Variants in FER observed in about 807,000 individuals in gnomAD.
FER encodes tyrosine-protein kinase Fer.
Under a neutral mutation model 111.0 loss-of-function variants are expected in FER, and 63 were observed. The ratio of observed to expected loss-of-function variants is 0.57; its 90% CI spans 0.46 to 0.70. The LOEUF (loss-of-function observed/expected upper bound fraction) is 0.70, where lower values mean the gene tolerates loss of function less well. Among genes scored for constraint, FER ranks in the 30% least tolerant of loss-of-function variants. FER has a pLI of 0.00. For missense variants in FER, 914 were observed against 954.0 expected (o/e 0.96, Z 0.55); for synonymous variants, 327 against 313.9 (o/e 1.04, Z -0.44).
At chr5:109,167,463 C>A (rs1442031230) in intron 17 of FER, among the ~76,000 whole-genome samples, 3 of 151,982 alleles carry the variant, frequency 2.0e-5, no homozygotes, top group African/African-American at 7.3e-5. Context: ...ATCAAATAAC[C>A]AGAAATGATC....
chr5:108,935,290 T>C (rs1755297521), intron 10 of FER, among the ~76,000 whole-genome samples: 1 of 152,072 alleles, frequency 6.6e-6, no homozygotes, highest in African/African-American at 2.4e-5. Context: ...CCTAGCTTCT[T>C]GTGGCTGCTG....
intron 10 of FER, among the ~76,000 whole-genome samples, chr5:108,925,283 A>G (rs556091392): frequency 6.6e-6 from 1 of 152,182 alleles, no homozygotes; most frequent in South Asian, 2.1e-4. Context: ...AAGGAAACTA[A>G]TAATGTTTTT....
rs573301791 is a variant in FER, at chr5:109,104,645, G to A, written c.2048+4126G>A. Among the ~76,000 whole-genome samples the A allele has an allele frequency of 4.6e-5, 7 of 152,008 alleles. No individual in the cohort carries two copies. In the South Asian group the frequency reaches 1.2e-3, roughly 27 times the overall value. ...CTTAATTGTGGACATTTTGTTGAAC[G>A]AATATGAATTTTAACTGAAAAAAGA... On this transcript the variant is annotated intron_variant, in intron 17 of 19. Transcript: ENST00000281092.
intron 17 of FER, among the ~76,000 whole-genome samples, chr5:109,140,304 T>C (rs1753387842): frequency 6.6e-6 from 1 of 152,184 alleles, no homozygotes; most frequent in South Asian, 2.1e-4. Context: ...AACATATCCT[T>C]TCTGAAGCAC....
chr5:108,930,898 G>A (rs531286068), intron 10 of FER, among the ~76,000 whole-genome samples: 37 of 152,042 alleles, frequency 2.4e-4, no homozygotes, highest in Non-Finnish European at 4.0e-4. Flanking sequence ...ACACGCGTGA[G>A]CCAACGCCCC....
At chr5:108,950,757 A>C (rs1456516052) in intron 11 of FER, among the ~76,000 whole-genome samples, 1 of 152,170 alleles carries the variant, frequency 6.6e-6, no homozygotes, top group Non-Finnish European at 1.5e-5. Context: ...ACAAATAAAA[A>C]AATTATGTTC....
chr5:109,184,291 GC>G, intron 18 of FER, among the ~76,000 whole-genome samples: 1 of 152,252 alleles, frequency 6.6e-6, no homozygotes, highest in South Asian at 2.1e-4. Context: ...GGTTTCCCAT[GC>G]CATTAGCTGC....
At chr5:108,943,699 TA>T (rs1239385186) in intron 10 of FER, among the ~76,000 whole-genome samples, 2 of 152,036 alleles carry the variant, frequency 1.3e-5, no homozygotes, top group African/African-American at 4.8e-5. Flanking sequence ...GTAATTTAGG[TA>T]TTTTTTTAAT....
intron 17 of FER, among the ~76,000 whole-genome samples, chr5:109,157,553 C>T (rs1386871123): frequency 6.6e-6 from 1 of 151,854 alleles, no homozygotes; most frequent in Non-Finnish European, 1.5e-5. Flanking sequence ...CAAACTGTTC[C>T]CTAATGAGTC....
chr5:109,029,543 G>T (rs1452842986), intron 13 of FER, among the ~76,000 whole-genome samples: 1 of 150,522 alleles, frequency 6.6e-6, no homozygotes, highest in East Asian at 1.9e-4. Context: ...AAGTGCTAGG[G>T]TGAGCCACTG....
chr5:109,100,316 A>G, intron 16 of FER, 80 bp from the exon 17 acceptor site: 5 of 1,552,642 alleles, frequency 3.2e-6, no homozygotes, highest in Non-Finnish European at 3.5e-6. Flanking sequence ...TCTGTCAAAT[A>G]TTCCTAATAG....
At chr5:108,771,763 G>GA (rs1752924416) in intron 2 of FER, among the ~76,000 whole-genome samples, 1 of 152,026 alleles carries the variant, frequency 6.6e-6, no homozygotes, top group Non-Finnish European at 1.5e-5. Context: ...AAAATCATTT[G>GA]AAACAATATT....
At chr5:108,970,382 A>AT (rs930065780) in intron 13 of FER, among the ~76,000 whole-genome samples, 37 of 148,008 alleles carry the variant, frequency 2.5e-4, no homozygotes, top group Admixed American at 1.3e-3. Context: ...TGCCTGGCTA[A>AT]TTTTTTTTTT....
chr5:109,123,869 C>T (rs952899339), intron 17 of FER, among the ~76,000 whole-genome samples: 1 of 152,160 alleles, frequency 6.6e-6, no homozygotes, highest in African/African-American at 2.4e-5. Flanking sequence ...TCTAGTTACA[C>T]TGTGGGCTTA....
intron 5 of FER, among the ~76,000 whole-genome samples, chr5:108,849,582 T>G (rs1260690681): frequency 6.6e-6 from 1 of 152,140 alleles, no homozygotes; most frequent in Non-Finnish European, 1.5e-5. Context: ...ACTTAACTTT[T>G]TGAACATACT....
intron 13 of FER, among the ~76,000 whole-genome samples, chr5:108,988,170 A>C (rs776969726): frequency 1.4e-4 from 22 of 151,880 alleles, no homozygotes; most frequent in Non-Finnish European, 2.9e-4. Flanking sequence ...TGTCCTTTTG[A>C]TATTCTGTTG....
chr5:109,147,780 C>A (rs966755029), intron 17 of FER, among the ~76,000 whole-genome samples: 1 of 140,086 alleles, frequency 7.1e-6, no homozygotes, highest in Non-Finnish European at 1.6e-5. Flanking sequence ...CACACACATA[C>A]ATATATATAT....
intron 3 of FER, among the ~76,000 whole-genome samples, chr5:108,831,919 T>C (rs976902131): frequency 1.3e-5 from 2 of 152,194 alleles, no homozygotes; most frequent in Non-Finnish European, 2.9e-5. Context: ...GTCTTCAATA[T>C]TGTTTCTGAA....
chr5:108,754,311 G>A (rs1254632509), intron 1 of FER, among the ~76,000 whole-genome samples: 13 of 151,152 alleles, frequency 8.6e-5, no homozygotes, highest in Admixed American at 7.9e-4. Flanking sequence ...GGTGGCTAAG[G>A]CAGGAGGATT....
Sources: allele counts gnomAD v4.1 joint callset (sites outside exome capture counted in the v4.1 genomes callset), GRCh38; gene constraint gnomAD v4.1.1; transcripts MANE v1.5; gene names NCBI Gene and HGNC (gene_info 2026-07-23, HGNC 2026-07-21).